Variants in RRN3 observed in about 807,000 individuals in gnomAD.
RRN3 encodes RNA polymerase I-specific transcription initiation factor RRN3.
Under a neutral mutation model 82.3 loss-of-function variants are expected in RRN3, and 38 were observed. The ratio of observed to expected loss-of-function variants is 0.46; its 90% CI spans 0.36 to 0.61. The LOEUF (loss-of-function observed/expected upper bound fraction) is 0.61. Ranked by LOEUF, RRN3 falls within the 20% of genes least tolerant of loss-of-function variation. The pLI is 0.00. For synonymous variants in RRN3, 284 were observed against 284.3 expected, an observed-to-expected ratio of 1.00 and a Z score of 0.01; for missense variants, 726 against 793.1, an observed-to-expected ratio of 0.92 and a Z score of 1.02.
rs778325609 is a variant in RRN3, at chr16:15,094,237, G to A, written c.-4C>T. 3.8e-6 allele frequency: 6 copies of A among 1,580,470 alleles called. No homozygotes were observed. The highest frequency in any genetic ancestry group is 3.5e-5 in the South Asian group (3 of 86,566). On this transcript the variant is annotated 5_prime_UTR_variant, in exon 1 of 18. Transcript: ENST00000198767. Reference sequence around the variant, plus strand: ...TGTGAAGCAGCGGTGCCGCCATTGGGCCGAACTAACGCGACCGCTGCGCCT... The same window carrying A: ...TGTGAAGCAGCGGTGCCGCCATTGGACCGAACTAACGCGACCGCTGCGCCT...
intron 8 of RRN3, among the ~76,000 whole-genome samples, chr16:15,081,209 T>C (rs904227835): frequency 1.3e-5 from 2 of 152,230 alleles, no homozygotes; most frequent in African/African-American, 2.4e-5. Context: ...GGACATATAT[T>C]TTCATTTCTC....
chr16:15,076,721 A>G (rs1383590899), intron 9 of RRN3, 71 bp from the exon 10 acceptor site: 12 of 1,070,350 alleles, frequency 1.1e-5, no homozygotes, highest in Non-Finnish European at 1.7e-5. Context: ...TGGGATGGAA[A>G]TTCATCTGAT....
chr16:15,062,298 C>G lies in RRN3; in HGVS notation c.1795-393G>C, dbSNP rs147626404. Among the ~76,000 whole-genome samples, 10 of 152,280 alleles carry G rather than the reference C, an allele frequency of 6.6e-5. No homozygotes were observed. The East Asian group carries it at 1.4e-3, about 21-fold the overall frequency. On this transcript the variant is annotated intron_variant, in intron 17 of 17. Transcript: ENST00000198767. The stretch of plus-strand genomic sequence containing the variant: ...AGCTCAATGGGGACAGGAAACATGA[C>G]GAGTCATTCTTGCCCAGTGTTAGGA...
chr16:15,076,226 A>T (rs1157265612), intron 10 of RRN3, among the ~76,000 whole-genome samples: 1 of 152,214 alleles, frequency 6.6e-6, no homozygotes, highest in East Asian at 1.9e-4. Context: ...TATAAAGTGT[A>T]CAAGTGGTAA....
intron 3 of RRN3, among the ~76,000 whole-genome samples, chr16:15,087,809 T>C (rs2045967469): frequency 6.6e-6 from 1 of 152,194 alleles, no homozygotes; most frequent in East Asian, 1.9e-4. Flanking sequence ...ACATTTAAAC[T>C]GTACCATTTT....
intron 3 of RRN3, among the ~76,000 whole-genome samples, chr16:15,090,011 C>A (rs2046068604): frequency 6.6e-6 from 1 of 151,746 alleles, no homozygotes; most frequent in South Asian, 2.1e-4. Flanking sequence ...GAGTTCAAGA[C>A]CAGCCTGGCC....
chr16:15,083,458 A>G, intron 8 of RRN3, 55 bp downstream of exon 8: 1 of 1,603,550 alleles, frequency 6.2e-7, no homozygotes, highest in Non-Finnish European at 8.5e-7. Context: ...TATCATCTAA[A>G]ATGAAATCGT....
intron 7 of RRN3, among the ~76,000 whole-genome samples, chr16:15,084,037 T>G (rs567731039): frequency 2.6e-5 from 4 of 152,206 alleles, no homozygotes; most frequent in African/African-American, 9.6e-5. Context: ...TTACAATGTA[T>G]AGCTTCTGAG....
rs781753054 is a variant in RRN3, at chr16:15,065,376, G to A, written c.1554-5C>T. On this transcript the variant is annotated splice_polypyrimidine_tract_variant and splice_region_variant and intron_variant, in intron 15 of 17. Coordinates refer to ENST00000198767, the MANE Select transcript of RRN3 (RefSeq NM_018427.5). ...CAGAAGACGAGCTGGTACTTACTGT[G>A]GAACAAAAAAACAACACAGACAGAG... is the stretch of plus-strand genomic sequence containing the variant. 8 of 1,610,430 alleles carry A rather than the reference G, an allele frequency of 5.0e-6. No individual in the cohort carries two copies. In the South Asian group the frequency reaches 7.7e-5, roughly 16 times the overall value.
chr16:15,068,136 A>G (rs2045057760), intron 15 of RRN3, 33 bp downstream of exon 15: 1 of 1,483,340 alleles, frequency 6.7e-7, no homozygotes, highest in Non-Finnish European at 9.1e-7. Context: ...AATATTTTAA[A>G]TAACTCCCAT....
chr16:15,076,502 C>G, intron 10 of RRN3, 56 bp downstream of exon 10: 1 of 1,146,424 alleles, frequency 8.7e-7, no homozygotes, highest in Non-Finnish European at 1.3e-6. Context: ...GCAGCACTAG[C>G]TGTTTCCACC....
At chr16:15,073,230 C>A (rs1453006016) in intron 11 of RRN3, 150 bp from the exon 12 acceptor site, 8 of 866,610 alleles carry the variant, frequency 9.2e-6, no homozygotes, top group Non-Finnish European at 1.4e-5. Flanking sequence ...CTTTGGGAGG[C>A]CAAAGTGAGA....
chr16:15,074,419 T>C (rs989669723), intron 11 of RRN3, among the ~76,000 whole-genome samples: 2 of 152,280 alleles, frequency 1.3e-5, no homozygotes, highest in Non-Finnish European at 2.9e-5. Flanking sequence ...CCCTACATCA[T>C]TCTTCAGTGC....
intron 15 of RRN3, among the ~76,000 whole-genome samples, chr16:15,066,919 G>T (rs567617933): frequency 2.6e-5 from 4 of 151,770 alleles, no homozygotes; most frequent in African/African-American, 7.2e-5. Flanking sequence ...ACCCCAAATC[G>T]AGAGCCCCTG....
chr16:15,079,096 C>A (rs1325281542), intron 9 of RRN3, among the ~76,000 whole-genome samples: 4 of 152,278 alleles, frequency 2.6e-5, no homozygotes, highest in East Asian at 3.9e-4. Flanking sequence ...ATGCGTGAGC[C>A]ACCACGCCCG....
chr16:15,082,182 G>A (rs967364764), intron 8 of RRN3, among the ~76,000 whole-genome samples: 1 of 152,056 alleles, frequency 6.6e-6, no homozygotes, highest in African/African-American at 2.4e-5. Flanking sequence ...AAAAACTTTT[G>A]GTCTTTCACC....
rs2044685420 is a variant in RRN3 at position 15,060,894 on chromosome 16, C to T, written c.*850G>A. 6.6e-6 allele frequency: 1 copy of T among 152,218 alleles called. No individual in the cohort carries two copies. Among genetic ancestry groups the T allele is most frequent in the African/African-American group, 2.4e-5 (1 of 41,456 alleles). 9.4% of individuals were successfully genotyped at this position (152,218 alleles called of 1,614,324 possible). On this transcript the variant is annotated 3_prime_UTR_variant, in exon 18 of 18. Coordinates refer to ENST00000198767, the MANE Select transcript of RRN3 (RefSeq NM_018427.5). ...CAAAACTGACTCGATCTAATGGCCA[C>T]CAAGGAGCAGTTCTAGATCTAAGGG... is the stretch of plus-strand genomic sequence containing the variant.
In RRN3 at chr16:15,060,163, C is replaced by A. The variant is rs1237550713; in HGVS notation, c.*1581G>T. ...AACAGACTTATATGTAAATGTCTTT[C>A]TACATTAAAACTACTTCCCAACCCA... is the stretch of plus-strand genomic sequence containing the variant. On this transcript the variant is annotated 3_prime_UTR_variant, in exon 18 of 18. Transcript: ENST00000198767. The A allele has an allele frequency of 4.8e-6, 2 of 420,884 alleles. No individual in the cohort carries two copies. Among genetic ancestry groups the A allele is most frequent in the Admixed American group, 5.5e-5 (2 of 36,414 alleles). 26.1% of individuals were successfully genotyped at this position (420,884 alleles called of 1,614,324 possible).
chr16:15,076,686 T>C, intron 9 of RRN3, 36 bp from the exon 10 acceptor site: 1 of 1,415,394 alleles, frequency 7.1e-7, no homozygotes, highest in Middle Eastern at 1.8e-4. Context: ...AATAAAAGGA[T>C]TTAAAAAATA....
Sources: allele counts gnomAD v4.1 joint callset (sites outside exome capture counted in the v4.1 genomes callset), GRCh38; gene constraint gnomAD v4.1.1; transcripts MANE v1.5; gene names NCBI Gene and HGNC (gene_info 2026-07-23, HGNC 2026-07-21).